The following P4HA3 variants were observed in gnomAD, a reference collection of about 807,000 sequenced individuals.
P4HA3 encodes the protein prolyl 4-hydroxylase subunit alpha 3.
Under a neutral mutation model 66.7 loss-of-function variants are expected in P4HA3, and 60 were observed. The ratio of observed to expected loss-of-function variants is 0.90; its 90% CI spans 0.73 to 1.12. The LOEUF is 1.12. P4HA3 is among the 50% of genes most tolerant of loss of function. The probability of loss-of-function intolerance (pLI) is 0.00; values close to 1 mark genes in which losing one functional copy is unlikely to be tolerated. For missense variants in P4HA3, 683 were observed against 685.8 expected (o/e 1.00, Z 0.05); for synonymous variants, 263 against 274.6 (o/e 0.96, Z 0.42).
intron 7 of P4HA3, among the ~76,000 whole-genome samples, chr11:74,281,908 G>A (rs1328144125): frequency 8.2e-6 from 1 of 121,436 alleles, no homozygotes; most frequent in Non-Finnish European, 1.7e-5. Context: ...TAAAAGTTTG[G>A]GACAAAAAAA....
At chr11:74,295,246 G>A (rs1435522137) in intron 4 of P4HA3, among the ~76,000 whole-genome samples, 8 of 152,162 alleles carry the variant, frequency 5.3e-5, no homozygotes, top group Admixed American at 5.2e-4. Context: ...CAAAGTTAGT[G>A]GAGGGAAGCA....
intron 11 of P4HA3, among the ~76,000 whole-genome samples, chr11:74,268,893 T>C (rs533396071): frequency 1.2e-4 from 19 of 152,278 alleles, no homozygotes; most frequent in African/African-American, 4.3e-4. Context: ...TTAACCTTGG[T>C]CCTCAAAGTA....
intron 4 of P4HA3, among the ~76,000 whole-genome samples, chr11:74,292,903 T>C (rs1235955818): frequency 6.6e-6 from 1 of 152,234 alleles, no homozygotes; most frequent in Non-Finnish European, 1.5e-5. Flanking sequence ...GGTGTGGTGC[T>C]GAAAAGAATG....
At chr11:74,300,458 C>T (rs1006523190) in intron 3 of P4HA3, among the ~76,000 whole-genome samples, 6 of 151,828 alleles carry the variant, frequency 4.0e-5, no homozygotes, top group African/African-American at 1.5e-4. Flanking sequence ...CAGTGAGACC[C>T]TTATTAAAAA....
intron 11 of P4HA3, 31 bp downstream of exon 11, chr11:74,269,621 C>A: frequency 6.2e-7 from 1 of 1,604,152 alleles, no homozygotes; most frequent in Non-Finnish European, 8.5e-7. Flanking sequence ...ACTCCCTCAA[C>A]CCCGTCTTCT....
chr11:74,311,303 C>A (rs1189989116), intron 1 of P4HA3, 109 bp downstream of exon 1: 62 of 1,251,656 alleles, frequency 5.0e-5, no homozygotes, highest in Non-Finnish European at 6.4e-5. Flanking sequence ...TGGGGTCCCA[C>A]GCAGCATGAC....
At chr11:74,253,603 G>T in intron 15 of P4HA3, 2 of 1,402,696 alleles carry the variant, frequency 1.4e-6, no homozygotes, top group East Asian at 2.3e-5. Flanking sequence ...TCTCCATCCC[G>T]CCCAGCCATG....
chr11:74,266,468 T>C (rs1859993356), downstream of P4HA3, among the ~76,000 whole-genome samples: 2 of 152,220 alleles, frequency 1.3e-5, no homozygotes, highest in South Asian at 4.1e-4. Flanking sequence ...GGGAATACAA[T>C]ACAATCTATT....
chr11:74,309,023 G>A (rs1239225065), intron 1 of P4HA3, among the ~76,000 whole-genome samples: 1 of 152,180 alleles, frequency 6.6e-6, no homozygotes, highest in Non-Finnish European at 1.5e-5. Context: ...ACCATGTACT[G>A]TGGCCACTAG....
At chr11:74,301,719 C>G (rs879486777) in intron 3 of P4HA3, among the ~76,000 whole-genome samples, 1 of 152,098 alleles carries the variant, frequency 6.6e-6, no homozygotes, top group Admixed American at 6.5e-5. Flanking sequence ...GTGATTACAA[C>G]TTATAATCAA....
chr11:74,291,802 G>A (rs1279117), intron 4 of P4HA3, among the ~76,000 whole-genome samples: 94,560 of 149,972 alleles, frequency 0.63, 31,296 homozygotes, highest in African/African-American at 0.88. Context: ...AGCCCACTTG[G>A]TCATGGTGGA....
chr11:74,295,504 G>A (rs79590054), intron 4 of P4HA3, among the ~76,000 whole-genome samples: 2 of 152,006 alleles, frequency 1.3e-5, no homozygotes, highest in Non-Finnish European at 2.9e-5. Context: ...AATGATAAAA[G>A]CAATAATAAG....
chr11:74,257,464 G>A (rs1009142925), intron 15 of P4HA3, among the ~76,000 whole-genome samples: 5 of 152,148 alleles, frequency 3.3e-5, no homozygotes, highest in African/African-American at 4.8e-5. Flanking sequence ...GTATCACAAA[G>A]TGGAGGTGGA....
At chr11:74,270,880 GA>G (rs1226234436) in intron 10 of P4HA3, among the ~76,000 whole-genome samples, 2 of 151,940 alleles carry the variant, frequency 1.3e-5, no homozygotes, top group Admixed American at 6.6e-5. Flanking sequence ...ACAACTTAAT[GA>G]AAAAAAATCA....
chr11:74,305,021 A>G (rs182251080), intron 1 of P4HA3, among the ~76,000 whole-genome samples: 76 of 152,246 alleles, frequency 5.0e-4, no homozygotes, highest in African/African-American at 1.8e-3. Context: ...ATGAGAATCT[A>G]ATGCCGTGGC....
chr11:74,276,099 A>G (rs373110956), intron 9 of P4HA3, among the ~76,000 whole-genome samples: 1 of 152,190 alleles, frequency 6.6e-6, no homozygotes, highest in South Asian at 2.1e-4. Context: ...GGGCTAAACA[A>G]TGGGTACACA....
chr11:74,299,104 A>G (rs1209962580), intron 3 of P4HA3, among the ~76,000 whole-genome samples: 1 of 152,262 alleles, frequency 6.6e-6, no homozygotes, highest in African/African-American at 2.4e-5. Flanking sequence ...AACACAATGC[A>G]TTAGACACCA....
At chr11:74,261,748 C>T (rs55731760), downstream of P4HA3, among the ~76,000 whole-genome samples, 1,965 of 152,176 alleles carry the variant, frequency 0.013, 17 homozygotes, top group Non-Finnish European at 0.019. Flanking sequence ...AGGTCCTGAC[C>T]CAGAGGCAAC....
At chr11:74,280,137 G>T (rs1387775963) in intron 7 of P4HA3, among the ~76,000 whole-genome samples, 1 of 152,054 alleles carries the variant, frequency 6.6e-6, no homozygotes, top group Non-Finnish European at 1.5e-5. Context: ...GAATGTCTAG[G>T]TATAGCATTT....
Sources: allele counts gnomAD v4.1 joint callset (sites outside exome capture counted in the v4.1 genomes callset), GRCh38; gene constraint gnomAD v4.1.1; transcripts MANE v1.5; gene names NCBI Gene and HGNC (gene_info 2026-07-23, HGNC 2026-07-21).